Variants in SMIM23 observed in about 807,000 individuals in gnomAD.
SMIM23 encodes the protein small integral membrane protein 23, also known as CTB-78H18.1.
A neutral mutation model predicts 12.8 loss-of-function variants in SMIM23; 10 were observed. The ratio of observed to expected loss-of-function variants is 0.78; its 90% CI spans 0.48 to 1.32. The LOEUF is 1.32. Among genes scored for constraint, SMIM23 ranks in the 40% most tolerant of loss-of-function variants. SMIM23 has a pLI of 0.00. For synonymous variants in SMIM23, 78 were observed against 80.1 expected, an observed-to-expected ratio of 0.97 and a Z score of 0.14; for missense variants, 184 against 198.2, an observed-to-expected ratio of 0.93 and a Z score of 0.43.
At chr5:171,790,695 C>A in intron 3 of SMIM23, 100 bp from the exon 4 acceptor site, 2 of 1,396,284 alleles carry the variant, frequency 1.4e-6, no homozygotes, top group Non-Finnish European at 9.7e-7. Context: ...CAATGAGTAG[C>A]ATGTGCAAAG....
At chr5:171,784,004 G>A (rs185590270), upstream of SMIM23, among the ~76,000 whole-genome samples, 327 of 152,288 alleles carry the variant, frequency 2.1e-3, 1 homozygote, top group African/African-American at 7.6e-3. Context: ...CACTTTGGGA[G>A]CCCGAGGTGG....
intron 1 of SMIM23, 130 bp downstream of exon 1, chr5:171,786,106 G>C: frequency 1.4e-6 from 1 of 729,044 alleles, no homozygotes; most frequent in South Asian, 1.7e-5. Context: ...CACTCTGATG[G>C]AGCACAGTTT....
At chr5:171,783,473 A>G (rs927050943), upstream of SMIM23, among the ~76,000 whole-genome samples, 3 of 152,226 alleles carry the variant, frequency 2.0e-5, no homozygotes, top group African/African-American at 7.2e-5. Flanking sequence ...GAAACAGAAT[A>G]CAGAACAAAT....
upstream of SMIM23, among the ~76,000 whole-genome samples, chr5:171,783,319 G>A (rs772692652): frequency 1.3e-5 from 2 of 152,164 alleles, no homozygotes; most frequent in Admixed American, 6.5e-5. Context: ...ATATGGAAAG[G>A]CATAAGCCCT....
At chr5:171,789,584 CTCA>C (rs1212967427) in intron 1 of SMIM23, among the ~76,000 whole-genome samples, 64 of 152,090 alleles carry the variant, frequency 4.2e-4, no homozygotes, top group African/African-American at 1.5e-3. Flanking sequence ...AAAATAAATA[CTCA>C]TCAATAAAAT....
chr5:171,777,190 C>A, the SMIM23 span, among the ~76,000 whole-genome samples: 1 of 152,056 alleles, frequency 6.6e-6, no homozygotes, highest in Non-Finnish European at 1.5e-5. Context: ...TCCTGAAATT[C>A]CGACTGTAAT....
At chr5:171,785,799 C>A (rs1015059891), upstream of SMIM23, 2 of 1,243,948 alleles carry the variant, frequency 1.6e-6, no homozygotes, top group Non-Finnish European at 2.3e-6. Flanking sequence ...GCCTGGTGAC[C>A]ACAGGTGGGG....
chr5:171,783,215 A>G (rs1295156954), upstream of SMIM23, among the ~76,000 whole-genome samples: 2 of 152,258 alleles, frequency 1.3e-5, no homozygotes, highest in Non-Finnish European at 2.9e-5. Flanking sequence ...AAGACACCAC[A>G]TAGTAAATAT....
At chr5:171,773,914 G>T in the SMIM23 span, 1 of 450,218 alleles carries the variant, frequency 2.2e-6, no homozygotes, top group South Asian at 1.6e-5. Flanking sequence ...CCCTGTGGTT[G>T]GAGGACTACA....
chr5:171,774,451 G>A, the SMIM23 span: 17 of 456,310 alleles, frequency 3.7e-5, no homozygotes, highest in Middle Eastern at 2.0e-3. Flanking sequence ...ACAGCTCACC[G>A]TCGGACCTCT....
chr5:171,785,408 T>A (rs1755796486), upstream of SMIM23, among the ~76,000 whole-genome samples: 2 of 151,914 alleles, frequency 1.3e-5, no homozygotes, highest in African/African-American at 4.8e-5. Flanking sequence ...ATTGTTTTTT[T>A]TTTTTTTGTA....
chr5:171,779,310 C>T (rs996505264), upstream of SMIM23, among the ~76,000 whole-genome samples: 4 of 152,258 alleles, frequency 2.6e-5, no homozygotes, highest in African/African-American at 9.6e-5. Flanking sequence ...TATGATTTTG[C>T]CATGGTCCCC....
upstream of SMIM23, among the ~76,000 whole-genome samples, chr5:171,783,087 A>G (rs530432471): frequency 7.2e-5 from 11 of 152,370 alleles, no homozygotes; most frequent in South Asian, 2.3e-3. Context: ...ATATTTAGGT[A>G]TATACCTAAC....
chr5:171,774,728 A>G, the SMIM23 span: 4 of 401,894 alleles, frequency 1.0e-5, no homozygotes, highest in South Asian at 1.9e-5. Flanking sequence ...TAAAAGCACA[A>G]CCTGACATGC....
At chr5:171,785,063 C>A (rs966731536), upstream of SMIM23, among the ~76,000 whole-genome samples, 15 of 152,128 alleles carry the variant, frequency 9.9e-5, no homozygotes, top group African/African-American at 3.6e-4. Flanking sequence ...GCAGCCATCA[C>A]GAAGCAGCAC....
At chr5:171,790,117 C>CA in intron 1 of SMIM23, 113 bp from the exon 2 acceptor site, 1 of 1,083,366 alleles carries the variant, frequency 9.2e-7, no homozygotes, top group East Asian at 2.6e-5. Context: ...AAGTTAAACT[C>CA]AAAAAACTGT....
chr5:171,785,944 A>C lies in SMIM23; in HGVS notation c.73A>C (p.Arg25=). 1 of 1,536,168 alleles carries C rather than the reference A, an allele frequency of 6.5e-7. No individual in the cohort carries two copies. The highest frequency in any genetic ancestry group is 8.7e-7 in the Non-Finnish European group (1 of 1,146,894). The change falls in exon 1 of 4, where the codon AGA becomes CGA. Residue 25 remains arginine, a synonymous_variant. Coordinates refer to ENST00000523047, the MANE Select transcript of SMIM23 (RefSeq NM_001289970.2). ...EQVAAQLLER[R]RGSHCDDEKQ... is the part of the protein sequence containing the mutation. ...GGTGGCAGCCCAGCTGCTTGAACGGAGAAGGGGCAGCCACTGTGATGACGA... is the reference window on the plus strand; with the variant it reads ...GGTGGCAGCCCAGCTGCTTGAACGGCGAAGGGGCAGCCACTGTGATGACGA...
At chr5:171,774,576 T>C in the SMIM23 span, 1 of 456,020 alleles carries the variant, frequency 2.2e-6, no homozygotes, top group South Asian at 1.5e-5. Context: ...CGTAGGCCCA[T>C]GGCACACTGT....
chr5:171,786,155 C>T (rs1029699759), intron 1 of SMIM23, among the ~76,000 whole-genome samples, 179 bp downstream of exon 1: 3 of 152,198 alleles, frequency 2.0e-5, no homozygotes, highest in African/African-American at 7.2e-5. Flanking sequence ...ATCACTGACA[C>T]TGTCTTATTA....
Sources: allele counts gnomAD v4.1 joint callset (sites outside exome capture counted in the v4.1 genomes callset), GRCh38; gene constraint gnomAD v4.1.1; transcripts MANE v1.5; gene names NCBI Gene and HGNC (gene_info 2026-07-23, HGNC 2026-07-21).